Variants in PTPRD observed in about 807,000 individuals in gnomAD.
The protein encoded by PTPRD is receptor-type tyrosine-protein phosphatase delta.
Under a neutral mutation model 214.5 loss-of-function variants are expected in PTPRD, and 34 were observed. That is an observed-to-expected ratio of 0.16 (90% confidence interval 0.12 to 0.21). The LOEUF (loss-of-function observed/expected upper bound fraction) is 0.21, where lower values mean the gene tolerates loss of function less well. Ranked by LOEUF, PTPRD falls within the 10% of genes least tolerant of loss-of-function variation. The probability of loss-of-function intolerance (pLI) is 1.00; values close to 1 mark genes in which losing one functional copy is unlikely to be tolerated. For missense variants in PTPRD, 2,545 were observed against 2,398.7 expected, an observed-to-expected ratio of 1.06 and a Z score of -1.27; for synonymous variants, 1,128 against 845.7, an observed-to-expected ratio of 1.33 and a Z score of -5.79.
chr9:8,865,802 G>C (rs2154546620), intron 11 of PTPRD, among the ~76,000 whole-genome samples: 1 of 152,256 alleles, frequency 6.6e-6, no homozygotes, highest in African/African-American at 2.4e-5. Context: ...CAACGACCTA[G>C]AGTTTGGTCA....
At chr9:9,666,622 G>A (rs2096727571) in intron 7 of PTPRD, among the ~76,000 whole-genome samples, 1 of 151,944 alleles carries the variant, frequency 6.6e-6, no homozygotes, top group South Asian at 2.1e-4. Context: ...TTGGCAAATT[G>A]TATCGATTCA....
intron 8 of PTPRD, among the ~76,000 whole-genome samples, chr9:9,523,747 T>A (rs1590680768): frequency 6.6e-6 from 1 of 152,162 alleles, no homozygotes; most frequent in East Asian, 1.9e-4. Flanking sequence ...GTGGTCCTGG[T>A]TTACATCTCT....
At chr9:9,501,186 A>G (rs1373650568) in intron 8 of PTPRD, among the ~76,000 whole-genome samples, 1 of 152,036 alleles carries the variant, frequency 6.6e-6, no homozygotes, top group Non-Finnish European at 1.5e-5. Flanking sequence ...AATGGATTAA[A>G]TATTCCTATT....
intron 11 of PTPRD, among the ~76,000 whole-genome samples, chr9:8,815,658 T>G (rs1167566207): frequency 3.3e-5 from 5 of 151,872 alleles, no homozygotes; most frequent in South Asian, 2.1e-4. Context: ...AGATTATGGG[T>G]TTTTTTTCCC....
chr9:10,302,727 AT>A, intron 3 of PTPRD, among the ~76,000 whole-genome samples: 1 of 152,340 alleles, frequency 6.6e-6, no homozygotes, highest in African/African-American at 2.4e-5. Context: ...TCCCAAATAT[AT>A]ATGCACCCAA....
intron 11 of PTPRD, among the ~76,000 whole-genome samples, chr9:8,989,555 AATAAT>A (rs1328669460): frequency 6.6e-6 from 1 of 152,138 alleles, no homozygotes; most frequent in African/African-American, 2.4e-5. Flanking sequence ...CCTATGGCTG[AATAAT>A]ATTCCATTGT....
At chr9:10,379,622 T>C (rs1169812955) in intron 2 of PTPRD, among the ~76,000 whole-genome samples, 2 of 152,094 alleles carry the variant, frequency 1.3e-5, no homozygotes, top group Non-Finnish European at 2.9e-5. Context: ...TTTTTATGTC[T>C]AGTCATTTGT....
intron 5 of PTPRD, among the ~76,000 whole-genome samples, chr9:9,853,051 T>C (rs1206712003): frequency 6.6e-6 from 1 of 152,308 alleles, no homozygotes; most frequent in Non-Finnish European, 1.5e-5. Context: ...ATGCTCTCCA[T>C]AGAGGTACCA....
Position 9,080,922 on chromosome 9 carries a change from T to G in PTPRD, c.-142-62187A>C, listed in dbSNP as rs927914731. Among the ~76,000 whole-genome samples the G allele has an allele frequency of 7.9e-5, 12 of 152,178 alleles. 1 individual carries two copies. The South Asian group carries it at 1.2e-3, about 16-fold the overall frequency. ...TACTCATCTGGCTAGCGGTCTATTT[T>G]GTTAATCTTTTCAAAAAAACAGCTC... On this transcript the variant is annotated intron_variant, in intron 10 of 45. Transcript: ENST00000381196.
chr9:8,634,487 A>G (rs1185582581), intron 13 of PTPRD, among the ~76,000 whole-genome samples: 2 of 152,096 alleles, frequency 1.3e-5, no homozygotes, highest in Non-Finnish European at 2.9e-5. Context: ...CACAGAGAGG[A>G]AGGACATTCA....
intron 8 of PTPRD, among the ~76,000 whole-genome samples, chr9:9,478,673 A>G (rs2095240926): frequency 6.6e-6 from 1 of 152,208 alleles, no homozygotes. Flanking sequence ...ACAAAGGTTC[A>G]TAGAGTATTG....
At chr9:8,376,899 T>C (rs2291958) in intron 37 of PTPRD, among the ~76,000 whole-genome samples, 173 bp from the exon 38 acceptor site, 42,292 of 152,048 alleles carry the variant, frequency 0.28, 6,779 homozygotes, top group East Asian at 0.59. Context: ...CTGATGCCAA[T>C]ATAAACCACA....
At chr9:8,801,136 T>A (rs2096563009) in intron 11 of PTPRD, among the ~76,000 whole-genome samples, 1 of 152,196 alleles carries the variant, frequency 6.6e-6, no homozygotes, top group Non-Finnish European at 1.5e-5. Flanking sequence ...AGTCACAAGA[T>A]CATGATGATG....
chr9:8,782,966 G>A (rs1018129836), intron 11 of PTPRD, among the ~76,000 whole-genome samples: 1 of 152,080 alleles, frequency 6.6e-6, no homozygotes, highest in African/African-American at 2.4e-5. Context: ...AAGCAGTGAT[G>A]TTTTATCTCA....
intron 14 of PTPRD, among the ~76,000 whole-genome samples, chr9:8,549,432 G>T (rs2081338907): frequency 6.6e-6 from 1 of 152,144 alleles, no homozygotes; most frequent in African/African-American, 2.4e-5. Context: ...TCATGCAGAT[G>T]GATGAGATGA....
chr9:10,077,289 A>G (rs2098147132), intron 3 of PTPRD, among the ~76,000 whole-genome samples: 1 of 152,098 alleles, frequency 6.6e-6, no homozygotes, highest in South Asian at 2.1e-4. Flanking sequence ...TTTCTGTAAA[A>G]TGTATCAGAG....
chr9:10,399,444 G>T (rs141354304), intron 2 of PTPRD, among the ~76,000 whole-genome samples: 1 of 151,938 alleles, frequency 6.6e-6, no homozygotes, highest in African/African-American at 2.4e-5. Flanking sequence ...TTTCATAAGT[G>T]TTATTTAATA....
intron 8 of PTPRD, among the ~76,000 whole-genome samples, chr9:9,493,807 AAAAGAAAAG>A (rs1471834418): frequency 8.0e-6 from 1 of 124,536 alleles, no homozygotes; most frequent in Non-Finnish European, 1.9e-5. Flanking sequence ...AAAAAAAAAA[AAAAGAAAAG>A]AAAAGAAAAG....
chr9:8,767,655 C>G (rs2094864035), intron 11 of PTPRD, among the ~76,000 whole-genome samples: 1 of 152,162 alleles, frequency 6.6e-6, no homozygotes, highest in Admixed American at 6.6e-5. Flanking sequence ...GAATCTCAAA[C>G]TTGACCATAC....
Sources: allele counts gnomAD v4.1 joint callset (sites outside exome capture counted in the v4.1 genomes callset), GRCh38; gene constraint gnomAD v4.1.1; transcripts MANE v1.5; gene names NCBI Gene and HGNC (gene_info 2026-07-23, HGNC 2026-07-21).